EPHA5: variants seen among roughly 807,000 people sequenced by gnomAD.
EPHA5 encodes EPH receptor A5, also known as ephrin type-A receptor 5.
Under a neutral mutation model 105.0 loss-of-function variants are expected in EPHA5, and 60 were observed. The observed-to-expected ratio is 0.57, with a 90% CI of 0.46 to 0.71. EPHA5 has a LOEUF of 0.71. Among genes scored for constraint, EPHA5 ranks in the 30% least tolerant of loss-of-function variants. EPHA5 has a pLI of 0.00. For synonymous variants in EPHA5, 513 were observed against 449.1 expected, an observed-to-expected ratio of 1.14 and a Z score of -1.80; for missense variants, 1,218 against 1,274.7, an observed-to-expected ratio of 0.96 and a Z score of 0.68.
At position 65,344,767 on chromosome 4, in the gene EPHA5, A is replaced by G. The variant is rs1722056559; in HGVS notation, c.2595+3287T>C. Among the ~76,000 whole-genome samples, 3 of 152,294 alleles carry G rather than the reference A, an allele frequency of 2.0e-5. No individual in the cohort carries two copies. The South Asian group carries it at 6.2e-4, about 32-fold the overall frequency. ...ATTTGGCATTTATCTGAAGAATAGAAAGTAGTAAATGGGTCTGGTCTTAGT... is the reference window on the plus strand; with the variant it reads ...ATTTGGCATTTATCTGAAGAATAGAGAGTAGTAAATGGGTCTGGTCTTAGT... On this transcript the variant is annotated intron_variant, in intron 14 of 16. Transcript: ENST00000613740.
intron 14 of EPHA5, among the ~76,000 whole-genome samples, chr4:65,342,029 C>G (rs1045823295): frequency 6.6e-6 from 1 of 152,074 alleles, no homozygotes; most frequent in Non-Finnish European, 1.5e-5. Context: ...GTGCATCAAT[C>G]TTAGATCAGT....
intron 6 of EPHA5, among the ~76,000 whole-genome samples, chr4:65,414,942 C>T (rs972555805): frequency 5.3e-5 from 8 of 152,108 alleles, no homozygotes; most frequent in Non-Finnish European, 8.8e-5. Flanking sequence ...ATTAGTACTT[C>T]ACTGGTGAAA....
intron 12 of EPHA5, 97 bp downstream of exon 12, chr4:65,352,945 C>G: frequency 2.7e-6 from 2 of 727,966 alleles, no homozygotes; most frequent in Non-Finnish European, 2.1e-6. Flanking sequence ...TTTAAAGTGG[C>G]CCAAATTCAA....
chr4:65,575,992 GAGAGAGAGAGAAAGAAAGAA>G (rs1299607906), intron 3 of EPHA5, among the ~76,000 whole-genome samples: 8 of 72,610 alleles, frequency 1.1e-4, no homozygotes, highest in African/African-American at 4.0e-4. Context: ...AAGAGAGAGA[GAGAGAGAGAGAAAGAAAGAA>G]AGAAAGAAAG....
At chr4:65,605,788 G>C (rs1455713849) in intron 2 of EPHA5, among the ~76,000 whole-genome samples, 1 of 151,998 alleles carries the variant, frequency 6.6e-6, no homozygotes, top group African/African-American at 2.4e-5. Context: ...TTTAGTCCCA[G>C]CTCTTATAAT....
chr4:65,356,482 T>C (rs907895086), intron 11 of EPHA5, among the ~76,000 whole-genome samples: 4 of 151,462 alleles, frequency 2.6e-5, no homozygotes, highest in South Asian at 2.1e-4. Context: ...TAGTATATAT[T>C]TGGGGAAAAA....
intron 8 of EPHA5, among the ~76,000 whole-genome samples, chr4:65,372,922 T>A (rs939830307): frequency 6.6e-6 from 1 of 151,924 alleles, no homozygotes; most frequent in Admixed American, 6.6e-5. Flanking sequence ...TAGGAAAACC[T>A]GAACAATTTC....
chr4:65,634,571 C>T (rs958444612), intron 2 of EPHA5, among the ~76,000 whole-genome samples: 6 of 151,950 alleles, frequency 3.9e-5, no homozygotes, highest in Non-Finnish European at 8.8e-5. Context: ...AATTATTTTA[C>T]AGATGGGGTA....
At chr4:65,415,954 A>G (rs1723343766) in intron 6 of EPHA5, among the ~76,000 whole-genome samples, 3 of 152,080 alleles carry the variant, frequency 2.0e-5, no homozygotes, top group Non-Finnish European at 4.4e-5. Context: ...TCTTAATGGA[A>G]TAAACCTGAT....
At chr4:65,488,355 G>T (rs978668208) in intron 5 of EPHA5, among the ~76,000 whole-genome samples, 2 of 152,128 alleles carry the variant, frequency 1.3e-5, no homozygotes, top group Non-Finnish European at 2.9e-5. Flanking sequence ...AACACAACTC[G>T]GTGATTGTTC....
intron 5 of EPHA5, among the ~76,000 whole-genome samples, chr4:65,477,254 AAAATAG>A (rs772767623): frequency 1.3e-5 from 2 of 152,184 alleles, no homozygotes; most frequent in Non-Finnish European, 2.9e-5. Flanking sequence ...ATGATATAAG[AAAATAG>A]ATTTTAGGTA....
intron 5 of EPHA5, among the ~76,000 whole-genome samples, chr4:65,473,277 G>C (rs960831004): frequency 6.6e-6 from 1 of 152,210 alleles, no homozygotes; most frequent in Admixed American, 6.5e-5. Context: ...ACCTCTGCCT[G>C]TTACCCAGGT....
chr4:65,438,997 A>G (rs1167351959), intron 5 of EPHA5, among the ~76,000 whole-genome samples: 1 of 152,134 alleles, frequency 6.6e-6, no homozygotes, highest in East Asian at 1.9e-4. Flanking sequence ...ACTAAAATAT[A>G]CTAAACCCTT....
rs115773135 is a variant in EPHA5, at chr4:65,619,416, G to A, written c.247-17112C>T. 6.8e-3 allele frequency among the ~76,000 whole-genome samples: 1,039 copies of A among 152,054 alleles called. 15 individuals carry two copies. Among genetic ancestry groups the A allele is most frequent in the African/African-American group, 0.024 (994 of 41,512 alleles). ...TTTAAAAATATGGACTTTTTTTGAAGAAAGACATTAAATGAGGACCTTGGG... is the reference window on the plus strand; with the variant it reads ...TTTAAAAATATGGACTTTTTTTGAAAAAAGACATTAAATGAGGACCTTGGG... On this transcript the variant is annotated intron_variant, in intron 2 of 16. Coordinates refer to ENST00000613740, the MANE Select transcript of EPHA5 (RefSeq NM_001281766.3).
chr4:65,474,531 C>A (rs1729609091), intron 5 of EPHA5, among the ~76,000 whole-genome samples: 1 of 152,118 alleles, frequency 6.6e-6, no homozygotes, highest in African/African-American at 2.4e-5. Flanking sequence ...AATAAACTAT[C>A]CTCTATTTTC....
intron 5 of EPHA5, among the ~76,000 whole-genome samples, chr4:65,433,444 C>T (rs1725177710): frequency 1.3e-5 from 2 of 152,112 alleles, no homozygotes. Flanking sequence ...CCAGAACATG[C>T]ATAGTTAAAA....
In EPHA5 at chr4:65,324,226, G is replaced by A. The variant is rs2148777251; in HGVS notation, c.2946-7C>T. 6.3e-7 allele frequency: 1 copy of A among 1,595,728 alleles called. No individual in the cohort carries two copies. Among genetic ancestry groups the A allele is most frequent in the South Asian group, 1.1e-5 (1 of 90,304 alleles). ...TCCAAGCCGTCTCAAATCCCTGCAT[G>A]AAGAAAGCACACATTGGATGTATTG... On this transcript the variant is annotated splice_polypyrimidine_tract_variant and splice_region_variant and intron_variant, in intron 16 of 16. Coordinates refer to ENST00000613740, the MANE Select transcript of EPHA5 (RefSeq NM_001281766.3).
chr4:65,401,809 T>C (rs1306716294), intron 8 of EPHA5, among the ~76,000 whole-genome samples: 2 of 152,122 alleles, frequency 1.3e-5, no homozygotes, highest in African/African-American at 4.8e-5. Context: ...TTTGGGTACA[T>C]ACCTGATTCT....
chr4:65,588,327 A>G (rs1016371952), intron 3 of EPHA5, among the ~76,000 whole-genome samples: 4 of 152,104 alleles, frequency 2.6e-5, no homozygotes, highest in African/African-American at 9.7e-5. Flanking sequence ...CTAGTATATT[A>G]TTGCTTTTTA....
Sources: gnomAD v4.1 joint callset for allele counts (sites outside exome capture counted in the v4.1 genomes callset) on GRCh38, gnomAD v4.1.1 for gene constraint, MANE v1.5 for transcripts, NCBI Gene and HGNC (gene_info 2026-07-23, HGNC 2026-07-21) for gene names.